The following RFT1 variants were observed in gnomAD, a reference collection of about 807,000 sequenced individuals.
RFT1 encodes RFT1 glycolipid translocator homolog.
RFT1 carries 43 observed loss-of-function variants against 62.2 expected under a neutral mutation model. The ratio of observed to expected loss-of-function variants is 0.69; its 90% confidence interval spans 0.54 to 0.89. The LOEUF is 0.89. Ranked by LOEUF, RFT1 falls within the 40% of genes least tolerant of loss-of-function variation. RFT1 has a pLI of 0.00. For synonymous variants in RFT1, 262 were observed against 264.6 expected (o/e 0.99, Z 0.10); for missense variants, 605 against 649.9 (o/e 0.93, Z 0.75).
At chr3:53,102,027 A>G (rs1481287464) in intron 10 of RFT1, among the ~76,000 whole-genome samples, 1 of 151,622 alleles carries the variant, frequency 6.6e-6, no homozygotes, top group African/African-American at 2.4e-5. Flanking sequence ...ATAGAGTGAG[A>G]CTTCATCTCA....
At chr3:53,107,346 C>T (rs959050855) in intron 7 of RFT1, among the ~76,000 whole-genome samples, 6 of 152,024 alleles carry the variant, frequency 3.9e-5, no homozygotes, top group African/African-American at 1.4e-4. Context: ...ACTGTGTTAG[C>T]CAGGATGGTC....
chr3:53,091,186 CT>C lies in RFT1; in HGVS notation c.*716del, dbSNP rs1158666734. The stretch of plus-strand genomic sequence containing the variant: ...GGCCAGGCCAGGAGTCTCCAGCCAG[CT>C]TTCACCCACCCTTCAATCAACAAAT... On this transcript the variant is annotated 3_prime_UTR_variant, in exon 13 of 13. Transcript: ENST00000296292. The C allele has an allele frequency of 6.6e-6, 1 of 152,578 alleles. No individual in the cohort carries two copies. Among genetic ancestry groups the C allele is most frequent in the Non-Finnish European group, 1.5e-5 (1 of 68,326 alleles). The allele number at this position is 152,578 out of a possible 1,614,324, so 9.5% of individuals were successfully genotyped here.
At chr3:53,098,823 A>AAAG (rs1701227733) in intron 11 of RFT1, among the ~76,000 whole-genome samples, 1 of 147,096 alleles carries the variant, frequency 6.8e-6, no homozygotes, top group African/African-American at 2.7e-5. Flanking sequence ...AAAAAAAAAA[A>AAAG]AAAGAACCAC....
intron 11 of RFT1, among the ~76,000 whole-genome samples, chr3:53,096,894 G>A (rs897701790): frequency 6.6e-6 from 1 of 151,866 alleles, no homozygotes; most frequent in African/African-American, 2.4e-5. Flanking sequence ...ACAGGCGTGC[G>A]CCCCTACGCC....
chr3:53,126,287 C>T (rs1301571971), intron 1 of RFT1, among the ~76,000 whole-genome samples: 5 of 152,216 alleles, frequency 3.3e-5, no homozygotes, highest in African/African-American at 1.2e-4. Context: ...TGAGTTTCTA[C>T]AAAGTCAAGC....
At chr3:53,075,576 G>A in the RFT1 span, among the ~76,000 whole-genome samples, 1 of 152,210 alleles carries the variant, frequency 6.6e-6, no homozygotes, top group East Asian at 1.9e-4. Context: ...TCCATCGTGA[G>A]GCATGTGGTG....
chr3:53,077,451 G>C, the RFT1 span, among the ~76,000 whole-genome samples: 8 of 152,216 alleles, frequency 5.3e-5, no homozygotes, highest in African/African-American at 1.9e-4. Flanking sequence ...GGGAAACAAG[G>C]CCCTTGAGCA....
In RFT1 at chr3:53,122,447, A is replaced by G. The variant is rs753133705; in HGVS notation, c.383T>C (p.Leu128Pro). 1 of 1,614,184 alleles carries G rather than the reference A, an allele frequency of 6.2e-7. No individual in the cohort carries two copies. Among genetic ancestry groups the G allele is most frequent in the Non-Finnish European group, 8.5e-7 (1 of 1,180,026 alleles). Residue 128 changes from leucine (L) to proline (P), a missense_variant, in exon 4 of 13, where the codon CTC becomes CCC. By Grantham distance (98) the Leu-to-Pro change is moderately conservative. Transcript: ENST00000296292. The part of the protein sequence containing the change: ...HYATGVVLFG[L>P]SAVVELLGEP... The stretch of plus-strand genomic sequence containing the variant: ...TCCTAGAAGCTCCACCACTGCCGAG[A>G]GACCAAACAGCACCACTCCAGTTGC...
At chr3:53,072,719 G>A in the RFT1 span, among the ~76,000 whole-genome samples, 1 of 152,204 alleles carries the variant, frequency 6.6e-6, no homozygotes, top group Non-Finnish European at 1.5e-5. Flanking sequence ...CGCAGCCTCC[G>A]CTGAGCCCTT....
At chr3:53,083,490 A>G (rs1396402712), downstream of RFT1, among the ~76,000 whole-genome samples, 8 of 96,190 alleles carry the variant, frequency 8.3e-5, no homozygotes, top group East Asian at 7.1e-4. Flanking sequence ...GCAAGACCCT[A>G]TCTAAAAAAA....
At chr3:53,069,623 T>C in the RFT1 span, among the ~76,000 whole-genome samples, 5 of 152,148 alleles carry the variant, frequency 3.3e-5, no homozygotes, top group East Asian at 3.8e-4. Context: ...AAATTCCCAT[T>C]GAAGAGAGAG....
At chr3:53,112,604 G>T (rs761957098) in intron 6 of RFT1, among the ~76,000 whole-genome samples, 1 of 152,120 alleles carries the variant, frequency 6.6e-6, no homozygotes, top group Non-Finnish European at 1.5e-5. Flanking sequence ...TTAGCTGGGC[G>T]TGGTGCTACG....
chr3:53,120,893 C>T (rs1034301680), intron 5 of RFT1, among the ~76,000 whole-genome samples: 10 of 152,218 alleles, frequency 6.6e-5, no homozygotes, highest in African/African-American at 2.4e-4. Context: ...CATCATCCAC[C>T]AGCCTTCTTT....
the RFT1 span, among the ~76,000 whole-genome samples, chr3:53,070,791 C>G: frequency 6.6e-6 from 1 of 151,516 alleles, no homozygotes; most frequent in Non-Finnish European, 1.5e-5. Context: ...AATCCCAGCA[C>G]TTTGGGAGGC....
rs1700934314 is a variant in RFT1, at chr3:53,089,541, G to A, written c.*2362C>T. The A allele has an allele frequency of 6.6e-6, 1 of 152,280 alleles. No homozygotes were observed. Among genetic ancestry groups the A allele is most frequent in the Non-Finnish European group, 1.5e-5 (1 of 68,078 alleles). 9.4% of individuals were successfully genotyped at this position (152,280 alleles called of 1,614,324 possible). ...TATGCAAGCTCCCTGAGGCACAGCT[G>A]TGGCTCTAGGGGGTCCAGCAGGGGA... is the stretch of plus-strand genomic sequence containing the variant. On this transcript the variant is annotated 3_prime_UTR_variant, in exon 13 of 13. Coordinates refer to ENST00000296292, the MANE Select transcript of RFT1 (RefSeq NM_052859.4).
intron 1 of RFT1, among the ~76,000 whole-genome samples, chr3:53,128,674 C>T (rs1482714946): frequency 6.6e-6 from 1 of 152,196 alleles, no homozygotes; most frequent in Non-Finnish European, 1.5e-5. Flanking sequence ...CCACGCCCAT[C>T]TAATTTTTGT....
chr3:53,092,714 A>C, intron 11 of RFT1, 96 bp from the exon 12 acceptor site: 1 of 1,411,640 alleles, frequency 7.1e-7, no homozygotes, highest in African/African-American at 1.4e-5. Context: ...CACAGAAAGA[A>C]CCTGAGCTCC....
intron 6 of RFT1, among the ~76,000 whole-genome samples, chr3:53,117,352 A>G (rs1213916340): frequency 6.6e-6 from 1 of 152,182 alleles, no homozygotes; most frequent in Non-Finnish European, 1.5e-5. Flanking sequence ...ATCTCACTTT[A>G]AAAATGAAGA....
At position 53,105,726 on chromosome 3, in the gene RFT1, T is replaced by G; in HGVS notation, c.904A>C (p.Ile302Leu). Reference protein sequence around the residue: ...IFQPIEESFYIFFAKVLERGK... With the variant: ...IFQPIEESFYLFFAKVLERGK... ...CTCTCCAGCACCTTAGCAAAAAATA[T>G]ATAAAAACTTTCCTCTATTGGCTGG... The change falls in exon 9 of 13, where the codon ATA (isoleucine) becomes CTA (leucine). Residue 302 changes from isoleucine to leucine, a missense_variant. Transcript: ENST00000296292. 2 of 1,613,860 alleles carry G rather than the reference T, an allele frequency of 1.2e-6. No individual in the cohort carries two copies. The highest frequency in any genetic ancestry group is 1.7e-6 in the Non-Finnish European group (2 of 1,179,876).
Sources: allele counts gnomAD v4.1 joint callset (sites outside exome capture counted in the v4.1 genomes callset), GRCh38; gene constraint gnomAD v4.1.1; transcripts MANE v1.5; gene names NCBI Gene and HGNC (gene_info 2026-07-23, HGNC 2026-07-21).